Variants in YY1 observed in about 807,000 individuals in gnomAD.
YY1 encodes the protein YY1 transcription factor, also known as transcriptional repressor protein YY1.
In YY1, 2 loss-of-function variants were observed where a neutral mutation model predicts 35.6. The ratio of observed to expected loss-of-function variants is 0.06; its 90% CI spans 0.02 to 0.18. The LOEUF (loss-of-function observed/expected upper bound fraction) is 0.18, where lower values mean the gene tolerates loss of function less well. Among genes scored for constraint, YY1 ranks in the 10% least tolerant of loss-of-function variants. The pLI is 1.00. For missense variants in YY1, 322 were observed against 573.4 expected (o/e 0.56, Z 4.48); for synonymous variants, 268 against 238.9 (o/e 1.12, Z -1.12).
chr14:100,247,006 A>G (rs959329426), intron 1 of YY1, among the ~76,000 whole-genome samples: 3 of 152,204 alleles, frequency 2.0e-5, no homozygotes, highest in East Asian at 1.9e-4. Flanking sequence ...CCCTCCCACT[A>G]TCAACAACTG....
chr14:100,239,881 A>C lies in YY1; in HGVS notation c.637A>C (p.Lys213Gln), dbSNP rs1235535640. ...GTGGGAGCAGAAGCAGGTGCAGATC[A>C]AGACCCTGGAGGGCGAGTTCTCGGT... ...KKWEQKQVQI[K>Q]TLEGEFSVTM... Residue 213 changes from lysine (K) to glutamine (Q), a missense_variant, in exon 1 of 5, where the codon AAG (lysine) becomes CAG (glutamine). Coordinates refer to ENST00000262238, the MANE Select transcript of YY1 (RefSeq NM_003403.5). The C allele has an allele frequency of 2.6e-6, 4 of 1,529,642 alleles. No individual in the cohort carries two copies. The highest frequency in any genetic ancestry group is 3.5e-6 in the Non-Finnish European group (4 of 1,140,678). The allele number at this position is 1,529,642 out of a possible 1,614,324, so 94.8% of individuals were successfully genotyped here.
In YY1 at chr14:100,277,011, A is replaced by G. The variant is rs771566841; in HGVS notation, c.1062+363A>G. The G allele has an allele frequency of 8.6e-5, 35 of 408,702 alleles. No individual in the cohort carries two copies. Among genetic ancestry groups the G allele is most frequent in the South Asian group, 2.0e-4 (8 of 39,620 alleles). The allele number at this position is 408,702 out of a possible 1,614,324, so 25.3% of individuals were successfully genotyped here. Reference sequence around the variant, plus strand: ...ATAATTACTAACTGATAAAGTTTCTAGAGTGTAAGTATAGGTAATACTTTA... The same window carrying G: ...ATAATTACTAACTGATAAAGTTTCTGGAGTGTAAGTATAGGTAATACTTTA... On this transcript the variant is annotated intron_variant, in intron 4 of 4. Coordinates refer to ENST00000262238, the MANE Select transcript of YY1 (RefSeq NM_003403.5). The surrounding 1 kb of genome is among the most constrained non-coding windows in gnomAD (Gnocchi z 5.6).
rs968693718 is a variant in YY1, at chr14:100,239,393, A to G, written c.149A>G (p.Asp50Gly). ...GGCGAGGAGGAGGAGGAGGACGACG[A>G]CGACGAGGACGGCGGCGGTGGCGAC... ...VVGEEEEEDD[D>G]DEDGGGGDHG... Residue 50 changes from aspartate to glycine, a missense_variant, in exon 1 of 5, where the codon GAC becomes GGC. By Grantham distance (94) the Asp-to-Gly change is moderately conservative. Coordinates refer to ENST00000262238, the MANE Select transcript of YY1 (RefSeq NM_003403.5). The G allele has an allele frequency of 7.5e-6, 12 of 1,598,520 alleles. No individual in the cohort carries two copies. The highest frequency in any genetic ancestry group is 1.0e-5 in the Non-Finnish European group (12 of 1,173,560).
chr14:100,263,276 T>C (rs2139590656), intron 2 of YY1, among the ~76,000 whole-genome samples: 1 of 152,366 alleles, frequency 6.6e-6, no homozygotes, highest in Non-Finnish European at 1.5e-5. Flanking sequence ...GGGTCTGTAC[T>C]TGACTCATCC....
Position 100,276,345 on chromosome 14 carries a change from A to T in YY1, c.904-145A>T. The T allele has an allele frequency of 6.5e-6, 7 of 1,073,104 alleles. No homozygotes were observed. The highest frequency in any genetic ancestry group is 6.8e-6 in the Non-Finnish European group (5 of 735,656). 66.5% of individuals were successfully genotyped at this position (1,073,104 alleles called of 1,614,324 possible). A position where few individuals can be genotyped will look rare whatever the true frequency, so the allele number is the denominator to read the frequency against. ...CTGCTTTTTGTCTTAAATGATATTAATGTTCTACCGTAATACTAAGTAAAA... is the reference window on the plus strand; with the variant it reads ...CTGCTTTTTGTCTTAAATGATATTATTGTTCTACCGTAATACTAAGTAAAA... On this transcript the variant is annotated intron_variant, in intron 3 of 4. Transcript: ENST00000262238. The surrounding 1 kb of genome is among the most constrained non-coding windows in gnomAD (Gnocchi z 4.1).
In YY1 at chr14:100,239,432, G is replaced by T. The variant is rs1890688651; in HGVS notation, c.188G>T (p.Gly63Val). The T allele has an allele frequency of 6.3e-7, 1 of 1,593,550 alleles. No individual in the cohort carries two copies. Reference sequence around the variant, plus strand: ...GGCGGTGGCGACCACGGCGGCGGGGGCGGCCACGGGCACGCCGGCCACCAC... The same window carrying T: ...GGCGGTGGCGACCACGGCGGCGGGGTCGGCCACGGGCACGCCGGCCACCAC... ...DGGGGDHGGGGGHGHAGHHHH... is the reference protein window; with the variant it reads ...DGGGGDHGGGVGHGHAGHHHH... Residue 63 changes from glycine to valine, a missense_variant, in exon 1 of 5, where the codon GGC (glycine) becomes GTC (valine). Physicochemically the swap from Gly to Val is moderately radical, Grantham distance 109. Around this residue, in one of 4 missense-constraint regions of YY1, gnomAD observed 137 missense variants for 167.0 expected, o/e 0.82. Coordinates refer to ENST00000262238, the MANE Select transcript of YY1 (RefSeq NM_003403.5).
At chr14:100,244,275 G>A (rs1047229501) in intron 1 of YY1, among the ~76,000 whole-genome samples, 9 of 150,538 alleles carry the variant, frequency 6.0e-5, no homozygotes, top group Admixed American at 5.3e-4. Context: ...AGTAGTTTTA[G>A]GCCTTATAGG....
At chr14:100,239,983 T>C in intron 1 of YY1, 60 bp downstream of exon 1, 2 of 1,465,860 alleles carry the variant, frequency 1.4e-6, no homozygotes, top group Non-Finnish European at 1.8e-6. Flanking sequence ...GAAGCCATGT[T>C]TTATGTGTGT....
In YY1 at chr14:100,269,578, G is replaced by A. The variant is rs1054594637; in HGVS notation, c.843-5120G>A. 2.6e-5 allele frequency among the ~76,000 whole-genome samples: 4 copies of A among 152,120 alleles called. No individual in the cohort carries two copies. The South Asian group carries it at 6.2e-4, about 24-fold the overall frequency. Reference sequence around the variant, plus strand: ...AGTATATGATTTTTACTGTTTACTCGCAAAATGAAACACTGTTTTAACCTA... The same window carrying A: ...AGTATATGATTTTTACTGTTTACTCACAAAATGAAACACTGTTTTAACCTA... On this transcript the variant is annotated intron_variant, in intron 2 of 4. Transcript: ENST00000262238.
chr14:100,255,787 G>C, intron 1 of YY1, among the ~76,000 whole-genome samples: 1 of 152,148 alleles, frequency 6.6e-6, no homozygotes, highest in East Asian at 1.9e-4. Flanking sequence ...CACTTGATAC[G>C]TCACTGAGTA....
chr14:100,270,549 G>C (rs543608748), intron 2 of YY1, among the ~76,000 whole-genome samples: 17 of 151,922 alleles, frequency 1.1e-4, no homozygotes, highest in South Asian at 1.0e-3. Context: ...CTTGAACCCA[G>C]GAGGCGGAGG....
chr14:100,273,269 T>C (rs913880636), intron 2 of YY1, among the ~76,000 whole-genome samples: 3 of 151,796 alleles, frequency 2.0e-5, no homozygotes, highest in African/African-American at 7.3e-5. Context: ...CCAGCTATGG[T>C]TTTTTAAATT....
intron 1 of YY1, among the ~76,000 whole-genome samples, chr14:100,251,070 G>T (rs1259182614): frequency 6.6e-6 from 1 of 152,050 alleles, no homozygotes; most frequent in Non-Finnish European, 1.5e-5. Context: ...CTGGTTGACT[G>T]GTTGACTGAA....
chr14:100,242,578 CA>C (rs1890767163), intron 1 of YY1, among the ~76,000 whole-genome samples: 1 of 151,350 alleles, frequency 6.6e-6, no homozygotes, highest in South Asian at 2.1e-4. Flanking sequence ...TTAGTAGAGA[CA>C]GGGTTTCACC....
intron 2 of YY1, among the ~76,000 whole-genome samples, chr14:100,266,163 G>A (rs190486111): frequency 1.8e-3 from 275 of 152,246 alleles, no homozygotes; most frequent in South Asian, 8.1e-3. Context: ...CCATGATTCA[G>A]TTACCTCCCC....
intron 1 of YY1, among the ~76,000 whole-genome samples, chr14:100,245,617 T>G (rs1021926103): frequency 1.3e-4 from 20 of 151,798 alleles, no homozygotes; most frequent in African/African-American, 4.3e-4. Flanking sequence ...GTTTTTTGGG[T>G]TTTTTTTGAA....
In YY1 at chr14:100,239,850, CAAG is replaced by C. The variant is rs1447360524; in HGVS notation, c.610_612del (p.Lys204del). ...GCGGCGGCGGCGCCGACCCGGGCAA[CAAG>C]AAGTGGGAGCAGAAGCAGGTGCAGA... On this transcript the variant is annotated inframe_deletion, in exon 1 of 5. Coordinates refer to ENST00000262238, the MANE Select transcript of YY1 (RefSeq NM_003403.5). 2 of 1,511,590 alleles carry C rather than the reference CAAG, an allele frequency of 1.3e-6. No individual in the cohort carries two copies. Among genetic ancestry groups the C allele is most frequent in the Admixed American group, 2.3e-5 (1 of 43,876 alleles). The allele number at this position is 1,511,590 out of a possible 1,614,324, so 93.6% of individuals were successfully genotyped here. A position where few individuals can be genotyped will look rare whatever the true frequency, so the allele number is the denominator to read the frequency against.
intron 2 of YY1, among the ~76,000 whole-genome samples, chr14:100,270,321 G>T (rs1891218364): frequency 6.9e-6 from 1 of 144,278 alleles, no homozygotes; most frequent in South Asian, 2.3e-4. Context: ...CTAGCAAAAT[G>T]TATGGGAGGC....
Position 100,268,965 on chromosome 14 carries a change from G to A in YY1, c.843-5733G>A, listed in dbSNP as rs137869349. ...ACAATGCTCTGCTGATACTGTGCCAGAAGTTTGGGTTCTGAAGTCCACAAT... is the reference window on the plus strand; with the variant it reads ...ACAATGCTCTGCTGATACTGTGCCAAAAGTTTGGGTTCTGAAGTCCACAAT... On this transcript the variant is annotated intron_variant, in intron 2 of 4. Coordinates refer to ENST00000262238, the MANE Select transcript of YY1 (RefSeq NM_003403.5). Among the ~76,000 whole-genome samples the A allele has an allele frequency of 3.7e-3, 570 of 152,362 alleles. 2 individuals carry two copies. Among genetic ancestry groups the A allele is most frequent in the Non-Finnish European group, 6.5e-3 (442 of 68,038 alleles).
Sources: allele counts gnomAD v4.1 joint callset (sites outside exome capture counted in the v4.1 genomes callset), GRCh38; gene constraint gnomAD v4.1.1; regional missense constraint gnomAD v4.1.1; non-coding constraint Gnocchi (gnomAD v3.1); transcripts MANE v1.5; gene names NCBI Gene and HGNC (gene_info 2026-07-23, HGNC 2026-07-21).